The following LAP3 variants were observed in gnomAD, a reference collection of about 807,000 sequenced individuals.
The protein encoded by LAP3 is cytosol aminopeptidase.
In LAP3, 46 loss-of-function variants were observed where a neutral mutation model predicts 58.8. The observed-to-expected ratio is 0.78, with a 90% CI of 0.62 to 1.00. LAP3 has a LOEUF of 1.00. Among genes scored for constraint, LAP3 ranks in the 50% least tolerant of loss-of-function variants. LAP3 has a pLI of 0.00. For missense variants in LAP3, 615 were observed against 659.1 expected (o/e 0.93, Z 0.73); for synonymous variants, 257 against 237.7 (o/e 1.08, Z -0.75).
intron 1 of LAP3, among the ~76,000 whole-genome samples, chr4:17,579,435 A>G (rs1372485898): frequency 1.3e-5 from 2 of 152,212 alleles, no homozygotes; most frequent in Non-Finnish European, 2.9e-5. Flanking sequence ...TTTGGCTGAA[A>G]ATAACTAATG....
At chr4:17,590,733 G>A (rs900250978) in intron 7 of LAP3, among the ~76,000 whole-genome samples, 42 of 151,632 alleles carry the variant, frequency 2.8e-4, no homozygotes, top group Non-Finnish European at 5.6e-4. Flanking sequence ...CACCATGCCC[G>A]GCTAATTTTT....
Position 17,577,334 on chromosome 4 carries a change from G to C in LAP3, c.-132G>C, listed in dbSNP as rs1000533996. 7.6e-6 allele frequency: 3 copies of C among 396,496 alleles called. No homozygotes were observed. The East Asian group carries it at 2.6e-4, about 34-fold the overall frequency. 24.6% of individuals were successfully genotyped at this position (396,496 alleles called of 1,614,324 possible). A position where few individuals can be genotyped will look rare whatever the true frequency, so the allele number is the denominator to read the frequency against. The stretch of plus-strand genomic sequence containing the variant: ...CATCCGTCCCGCCCCCTAGACGCAC[G>C]TCCGCTCGCCCGGCGCCCGAGCCAG... On this transcript the variant is annotated 5_prime_UTR_variant, in exon 1 of 13. Coordinates refer to ENST00000226299, the MANE Select transcript of LAP3 (RefSeq NM_015907.3).
intron 7 of LAP3, among the ~76,000 whole-genome samples, chr4:17,593,191 G>A (rs1479019824): frequency 6.6e-6 from 1 of 152,180 alleles, no homozygotes; most frequent in Admixed American, 6.5e-5. Context: ...AGGAGTGTTG[G>A]CTTTACAGAA....
At chr4:17,606,996 T>TGTTG in intron 12 of LAP3, 58 bp downstream of exon 12, 1 of 1,139,372 alleles carries the variant, frequency 8.8e-7, no homozygotes, top group Non-Finnish European at 1.3e-6. Context: ...CCAAAATAGC[T>TGTTG]ATTTTCAATT....
chr4:17,577,970 C>A (rs1350370075), intron 1 of LAP3, among the ~76,000 whole-genome samples: 4 of 152,190 alleles, frequency 2.6e-5, no homozygotes, highest in African/African-American at 9.6e-5. Flanking sequence ...GGCTCCTTCC[C>A]CCGCGGAAGT....
At chr4:17,580,008 T>A in intron 2 of LAP3, 69 bp downstream of exon 2, 1 of 915,684 alleles carries the variant, frequency 1.1e-6, no homozygotes, top group Non-Finnish European at 1.7e-6. Context: ...TTCTTTCTTT[T>A]CTTTTTTGAA....
At chr4:17,606,327 CTTTT>C (rs1222100029) in intron 11 of LAP3, among the ~76,000 whole-genome samples, 1 of 152,092 alleles carries the variant, frequency 6.6e-6, no homozygotes, top group Non-Finnish European at 1.5e-5. Context: ...TTCCCGGTTT[CTTTT>C]TATTTTTTAT....
intron 1 of LAP3, 104 bp from the exon 2 acceptor site, chr4:17,579,720 G>T (rs1214967024): frequency 3.3e-6 from 2 of 602,434 alleles, no homozygotes; most frequent in East Asian, 6.2e-5. Context: ...GGAGGACACG[G>T]TTTGGGTGGA....
intron 6 of LAP3, among the ~76,000 whole-genome samples, chr4:17,585,612 G>T (rs1006990271): frequency 6.6e-6 from 1 of 151,910 alleles, no homozygotes; most frequent in African/African-American, 2.4e-5. Flanking sequence ...TTGTAGAGAT[G>T]GGTCTCCCGC....
intron 11 of LAP3, 63 bp from the exon 12 acceptor site, chr4:17,606,766 A>T: frequency 9.9e-7 from 1 of 1,008,958 alleles, no homozygotes; most frequent in Non-Finnish European, 1.5e-6. Flanking sequence ...TGAGCATGTT[A>T]ATGCCATGAA....
At chr4:17,584,626 G>C (rs143105026) in intron 5 of LAP3, among the ~76,000 whole-genome samples, 1 of 152,148 alleles carries the variant, frequency 6.6e-6, no homozygotes, top group African/African-American at 2.4e-5. Context: ...GAACAAAACG[G>C]GCTTTTCTGT....
At chr4:17,604,995 G>A (rs1237179865) in intron 11 of LAP3, among the ~76,000 whole-genome samples, 1 of 152,086 alleles carries the variant, frequency 6.6e-6, no homozygotes, top group Non-Finnish European at 1.5e-5. Flanking sequence ...GTTTGTGACT[G>A]CGTGTCGTGA....
At chr4:17,577,603 G>T in intron 1 of LAP3, 36 bp downstream of exon 1, 6 of 1,486,606 alleles carry the variant, frequency 4.0e-6, no homozygotes, top group East Asian at 2.7e-5. Flanking sequence ...TCCGCCGCTG[G>T]GGCCCTGCCC....
intron 12 of LAP3, among the ~76,000 whole-genome samples, chr4:17,607,191 C>T (rs1238502526): frequency 3.3e-5 from 5 of 151,932 alleles, no homozygotes; most frequent in Non-Finnish European, 7.4e-5. Context: ...AATTCATTAC[C>T]ATAGCAAAAA....
At chr4:17,590,633 G>A (rs570573889) in intron 7 of LAP3, among the ~76,000 whole-genome samples, 12 of 151,012 alleles carry the variant, frequency 7.9e-5, no homozygotes, top group Non-Finnish European at 1.6e-4. Context: ...GTGCAGTGGC[G>A]TAATCTCGGC....
At chr4:17,580,262 T>C (rs897705215) in intron 2 of LAP3, among the ~76,000 whole-genome samples, 3 of 139,486 alleles carry the variant, frequency 2.2e-5, no homozygotes, top group Non-Finnish European at 4.6e-5. Flanking sequence ...TCAAGTGATC[T>C]GCCTGCCTTG....
intron 7 of LAP3, among the ~76,000 whole-genome samples, chr4:17,593,258 A>G (rs1042811948): frequency 7.9e-5 from 12 of 151,924 alleles, no homozygotes; most frequent in Non-Finnish European, 1.2e-4. Flanking sequence ...TTTTGACGCT[A>G]TGCTTCACTT....
chr4:17,592,357 A>G (rs1713708713), intron 7 of LAP3, among the ~76,000 whole-genome samples: 1 of 121,428 alleles, frequency 8.2e-6, no homozygotes, highest in Admixed American at 8.7e-5. Context: ...CTTTCAGCGT[A>G]GTATCTGGGG....
chr4:17,606,834 C>T lies in LAP3; in HGVS notation c.1266C>T (p.Ser422=), dbSNP rs957474230. 1.9e-6 allele frequency: 3 copies of T among 1,609,698 alleles called. No individual in the cohort carries two copies. The highest frequency in any genetic ancestry group is 1.7e-5 in the Admixed American group (1 of 59,432). ...SWLWNKLFEA[S]IETGDRVWRM... The stretch of plus-strand genomic sequence containing the variant: ...CTGTCATACCTGTTCTCTAGGCCAG[C>T]ATTGAAACAGGGGACCGTGTCTGGA... The change falls in exon 12 of 13, where the codon AGC becomes AGT. Residue 422 remains serine, a synonymous_variant. Coordinates refer to ENST00000226299, the MANE Select transcript of LAP3 (RefSeq NM_015907.3).
Sources: gnomAD v4.1 joint callset for allele counts (sites outside exome capture counted in the v4.1 genomes callset) on GRCh38, gnomAD v4.1.1 for gene constraint, MANE v1.5 for transcripts, NCBI Gene and HGNC (gene_info 2026-07-23, HGNC 2026-07-21) for gene names.